Variants in LTAP1 observed in about 807,000 individuals in gnomAD.
LTAP1 encodes lipid transport auxiliary protein 1.
the LTAP1 span, chr1:154,212,659 A>G: frequency 7.4e-6 from 12 of 1,611,268 alleles, no homozygotes; most frequent in African/African-American, 1.3e-5. Flanking sequence ...ATCTCTTCTC[A>G]TTCTTTAGTC....
At chr1:154,207,635 T>A in the LTAP1 span, 2 of 1,606,582 alleles carry the variant, frequency 1.2e-6, no homozygotes, top group Non-Finnish European at 1.7e-6. Context: ...GAGCTCCCAA[T>A]TCGTGCTTTA....
chr1:154,220,322 G>C, the LTAP1 span: 1 of 1,613,326 alleles, frequency 6.2e-7, no homozygotes, highest in Non-Finnish European at 8.5e-7. Context: ...AGCAGGAATG[G>C]GGTGGGGTAA....
At chr1:154,214,070 G>A in the LTAP1 span, 17 of 801,882 alleles carry the variant, frequency 2.1e-5, no homozygotes, top group Admixed American at 2.3e-4. Flanking sequence ...CTGAGGTCAG[G>A]AGTTTGAGAC....
the LTAP1 span, among the ~76,000 whole-genome samples, chr1:154,210,183 C>G: frequency 6.6e-6 from 1 of 152,086 alleles, no homozygotes; most frequent in Non-Finnish European, 1.5e-5. Context: ...GGATTACAGG[C>G]ATGTGCCACC....
the LTAP1 span, chr1:154,220,589 A>G: frequency 1.6e-6 from 1 of 630,490 alleles, no homozygotes; most frequent in Non-Finnish European, 2.8e-6. Flanking sequence ...CTGGGAAAGG[A>G]GAACGACGCC....
At chr1:154,214,601 A>C in the LTAP1 span, 2 of 1,440,920 alleles carry the variant, frequency 1.4e-6, no homozygotes, top group African/African-American at 1.4e-5. Context: ...AGAATACACA[A>C]TCATTTACCC....
the LTAP1 span, among the ~76,000 whole-genome samples, chr1:154,216,792 G>A: frequency 1.3e-5 from 2 of 151,942 alleles, no homozygotes; most frequent in African/African-American, 2.4e-5. Context: ...GGGATTACAG[G>A]CGTGAACCAC....
the LTAP1 span, chr1:154,219,915 AAAAT>A: frequency 1.2e-6 from 2 of 1,613,458 alleles, no homozygotes; most frequent in African/African-American, 1.3e-5. Flanking sequence ...CCTCTTCACA[AAAAT>A]AAATAGCAGT....
chr1:154,208,064 C>T, the LTAP1 span, among the ~76,000 whole-genome samples: 2 of 151,014 alleles, frequency 1.3e-5, no homozygotes, highest in African/African-American at 4.9e-5. Flanking sequence ...CGCCACTGCA[C>T]TTCAGCCTGG....
chr1:154,214,557 A>C, the LTAP1 span: 2 of 1,611,814 alleles, frequency 1.2e-6, no homozygotes, highest in Non-Finnish European at 1.7e-6. Context: ...GTCGAATATC[A>C]ATCTCCTCTT....
At chr1:154,214,417 G>C in the LTAP1 span, 1 of 1,304,360 alleles carries the variant, frequency 7.7e-7, no homozygotes, top group South Asian at 1.2e-5. Context: ...CTGGACTTGT[G>C]GGACTCCTCA....
At chr1:154,212,367 C>A in the LTAP1 span, 1 of 1,614,170 alleles carries the variant, frequency 6.2e-7, no homozygotes, top group South Asian at 1.1e-5. Context: ...GGTACTCATT[C>A]TGGCCAAAGA....
At chr1:154,220,579 C>G in the LTAP1 span, 7 of 658,958 alleles carry the variant, frequency 1.1e-5, no homozygotes, top group Non-Finnish European at 2.7e-6. Context: ...GGCAGGAGAG[C>G]TGGGAAAGGA....
At chr1:154,216,199 T>C in the LTAP1 span, among the ~76,000 whole-genome samples, 2 of 152,096 alleles carry the variant, frequency 1.3e-5, no homozygotes, top group African/African-American at 4.8e-5. Flanking sequence ...CCCCAAACCT[T>C]AACTTGTCAA....
chr1:154,212,668 T>C, the LTAP1 span: 1 of 1,608,252 alleles, frequency 6.2e-7, no homozygotes, highest in African/African-American at 1.3e-5. Flanking sequence ...CATTCTTTAG[T>C]CTTTTTTTTT....
chr1:154,213,710 A>G, the LTAP1 span, among the ~76,000 whole-genome samples: 2 of 152,252 alleles, frequency 1.3e-5, no homozygotes, highest in African/African-American at 4.8e-5. Flanking sequence ...TCTTTGGAGA[A>G]TAACCTGCTT....
At chr1:154,220,076 G>T in the LTAP1 span, 1 of 820,224 alleles carries the variant, frequency 1.2e-6, no homozygotes, top group Non-Finnish European at 1.9e-6. Context: ...GGCAAAGCAA[G>T]GCCGTTATGA....
chr1:154,211,493 T>G, the LTAP1 span, among the ~76,000 whole-genome samples: 19 of 150,990 alleles, frequency 1.3e-4, no homozygotes, highest in Non-Finnish European at 7.4e-5. Context: ...CGCACCACCA[T>G]GCCCAGCTAA....
chr1:154,219,783 T>C, the LTAP1 span: 3 of 1,313,946 alleles, frequency 2.3e-6, no homozygotes, highest in South Asian at 1.3e-5. Flanking sequence ...AATCTCATTC[T>C]TGACCCTAAA....
Sources: allele counts gnomAD v4.1 joint callset (sites outside exome capture counted in the v4.1 genomes callset), GRCh38; gene constraint gnomAD v4.1.1; transcripts MANE v1.5; gene names NCBI Gene and HGNC (gene_info 2026-07-23, HGNC 2026-07-21).